Variants in GABRB1 observed in about 807,000 individuals in gnomAD.
GABRB1 encodes the protein gamma-aminobutyric acid type A receptor subunit beta1, also known as gamma-aminobutyric acid receptor subunit beta-1.
A neutral mutation model predicts 51.6 loss-of-function variants in GABRB1; 17 were observed. The observed-to-expected ratio is 0.33, with a 90% CI of 0.23 to 0.49. The LOEUF (loss-of-function observed/expected upper bound fraction) is 0.49. Among genes scored for constraint, GABRB1 ranks in the 20% least tolerant of loss-of-function variants. The pLI is 0.99. For missense variants in GABRB1, 410 were observed against 600.6 expected, an observed-to-expected ratio of 0.68 and a Z score of 3.32; for synonymous variants, 247 against 218.9, an observed-to-expected ratio of 1.13 and a Z score of -1.14.
rs562044934 is a variant in GABRB1, at chr4:47,005,025, C to G, written c.-20+11099C>G. ...CACCTAGATGGAGAGAGAGCCAAAG[C>G]CAAGAGTGGGCCTAGGGGGAGGCCA... On this transcript the variant is annotated intron_variant, in intron 1 of 3. Transcript: ENST00000513567. Among the ~76,000 whole-genome samples, 70 of 152,254 alleles carry G rather than the reference C, an allele frequency of 4.6e-4. No individual in the cohort carries two copies. In the South Asian group the frequency reaches 9.1e-3, roughly 20 times the overall value.
At chr4:47,179,451 TA>T (rs1718852447) in intron 4 of GABRB1, among the ~76,000 whole-genome samples, 1 of 152,116 alleles carries the variant, frequency 6.6e-6, no homozygotes, top group Non-Finnish European at 1.5e-5. Flanking sequence ...CAAAGGATTA[TA>T]AATCATTCTA....
chr4:47,391,586 CACTT>C (rs1727993528), intron 5 of GABRB1, among the ~76,000 whole-genome samples: 1 of 152,176 alleles, frequency 6.6e-6, no homozygotes, highest in Non-Finnish European at 1.5e-5. Flanking sequence ...TCACTTCTGT[CACTT>C]AGTTAACTCA....
chr4:47,053,585 T>C (rs1577863781), intron 3 of GABRB1, among the ~76,000 whole-genome samples: 1 of 152,334 alleles, frequency 6.6e-6, no homozygotes, highest in East Asian at 1.9e-4. Context: ...AACATAAACA[T>C]TCAGCTATAG....
At chr4:47,423,203 A>G (rs1280511393) in intron 8 of GABRB1, among the ~76,000 whole-genome samples, 2 of 152,184 alleles carry the variant, frequency 1.3e-5, no homozygotes, top group African/African-American at 2.4e-5. Context: ...CCTGAAGATC[A>G]TTTTTACACT....
intron 4 of GABRB1, among the ~76,000 whole-genome samples, chr4:47,231,626 A>G (rs1166445162): frequency 6.6e-6 from 1 of 152,186 alleles, no homozygotes; most frequent in Non-Finnish European, 1.5e-5. Flanking sequence ...TAAACCCTGG[A>G]GACAGACAAT....
chr4:47,303,259 C>A (rs936468454), intron 4 of GABRB1, among the ~76,000 whole-genome samples: 1 of 151,714 alleles, frequency 6.6e-6, no homozygotes, highest in African/African-American at 2.4e-5. Context: ...TGTATTTCTA[C>A]ACAAATGGAA....
intron 5 of GABRB1, among the ~76,000 whole-genome samples, chr4:47,381,638 T>G (rs1727602044): frequency 6.6e-6 from 1 of 152,180 alleles, no homozygotes. Flanking sequence ...GTCTCAGAAC[T>G]TGGAAGAGGC....
chr4:47,333,183 AC>A (rs1725551094), intron 5 of GABRB1, among the ~76,000 whole-genome samples: 1 of 136,658 alleles, frequency 7.3e-6, no homozygotes, highest in Admixed American at 7.7e-5. Flanking sequence ...TATATTTAAA[AC>A]CCATTTTATT....
chr4:47,052,331 A>T (rs1341383263), intron 3 of GABRB1, among the ~76,000 whole-genome samples: 2 of 152,140 alleles, frequency 1.3e-5, no homozygotes, highest in African/African-American at 4.8e-5. Flanking sequence ...GCAAGGCATA[A>T]TCATTGTTTT....
At chr4:47,199,940 T>C (rs543167920) in intron 4 of GABRB1, among the ~76,000 whole-genome samples, 3 of 152,288 alleles carry the variant, frequency 2.0e-5, no homozygotes, top group African/African-American at 7.2e-5. Context: ...GTTATTGTTT[T>C]TCTCCAGCTA....
At chr4:47,201,642 G>GTA (rs753715333) in intron 4 of GABRB1, among the ~76,000 whole-genome samples, 1 of 151,852 alleles carries the variant, frequency 6.6e-6, no homozygotes, top group Non-Finnish European at 1.5e-5. Flanking sequence ...TGGGTGGTGG[G>GTA]TATATATATG....
intron 3 of GABRB1, among the ~76,000 whole-genome samples, chr4:47,065,159 T>C (rs1727022114): frequency 6.6e-6 from 1 of 152,222 alleles, no homozygotes; most frequent in Non-Finnish European, 1.5e-5. Flanking sequence ...TGGGAAAAAC[T>C]GGCGACATTT....
At chr4:47,421,055 T>C (rs560971039) in intron 8 of GABRB1, among the ~76,000 whole-genome samples, 4 of 152,294 alleles carry the variant, frequency 2.6e-5, no homozygotes, top group South Asian at 2.1e-4. Context: ...AGAATTGTTA[T>C]ATAGCTACTT....
At chr4:47,298,327 A>G (rs1258349150) in intron 4 of GABRB1, among the ~76,000 whole-genome samples, 3 of 152,232 alleles carry the variant, frequency 2.0e-5, no homozygotes, top group Non-Finnish European at 2.9e-5. Flanking sequence ...ATGATTGTGT[A>G]TCTAGAAAAC....
In GABRB1 at chr4:47,403,618, T is replaced by C. The variant is rs1728474095; in HGVS notation, c.742T>C (p.Leu248=). The change falls in exon 7 of 9, where the codon TTG becomes CTG. Residue 248 remains leucine, a synonymous_variant. Coordinates refer to ENST00000295454, the MANE Select transcript of GABRB1 (RefSeq NM_000812.4). Reference sequence around the variant, plus strand: ...AAAGAGAAACATTGGTTACTTCATTTTGCAAACCTACATGCCTTCTACACT... The same window carrying C: ...AAAGAGAAACATTGGTTACTTCATTCTGCAAACCTACATGCCTTCTACACT... ...RLKRNIGYFI[L]QTYMPSTLIT... is the part of the protein sequence containing the mutation. The C allele has an allele frequency of 6.2e-7, 1 of 1,613,918 alleles. No homozygotes were observed. Among genetic ancestry groups the C allele is most frequent in the Non-Finnish European group, 8.5e-7 (1 of 1,179,942 alleles).
chr4:47,249,843 A>G lies in GABRB1; in HGVS notation c.462-70284A>G, dbSNP rs373172127. On this transcript the variant is annotated intron_variant, in intron 4 of 8. Coordinates refer to ENST00000295454, the MANE Select transcript of GABRB1 (RefSeq NM_000812.4). ...CCTTATGTGTTAGGTGAGTCTCCTG[A>G]AGGCAGCAGATAGTAGATTGGTGAG... 2.9e-3 allele frequency among the ~76,000 whole-genome samples: 436 copies of G among 152,232 alleles called. 3 individuals carry two copies. The highest frequency in any genetic ancestry group is 9.3e-3 in the African/African-American group (388 of 41,544).
intron 4 of GABRB1, among the ~76,000 whole-genome samples, chr4:47,186,281 T>C (rs1018168539): frequency 4.0e-5 from 6 of 151,796 alleles, no homozygotes; most frequent in Non-Finnish European, 8.8e-5. Context: ...AACAAAAGAT[T>C]CAGTTGTCTG....
At chr4:47,270,186 A>C (rs1340219786) in intron 4 of GABRB1, among the ~76,000 whole-genome samples, 1 of 152,228 alleles carries the variant, frequency 6.6e-6, no homozygotes, top group Non-Finnish European at 1.5e-5. Context: ...GAATGTATGC[A>C]CATGACATGG....
At chr4:47,165,010 T>C (rs1266800749) in intron 4 of GABRB1, among the ~76,000 whole-genome samples, 1 of 152,060 alleles carries the variant, frequency 6.6e-6, no homozygotes, top group East Asian at 1.9e-4. Context: ...GGAATCTAAA[T>C]AAAGAACGTC....
Sources: allele counts gnomAD v4.1 joint callset (sites outside exome capture counted in the v4.1 genomes callset), GRCh38; gene constraint gnomAD v4.1.1; transcripts MANE v1.5; gene names NCBI Gene and HGNC (gene_info 2026-07-23, HGNC 2026-07-21).